The following MAN2B1 variants were observed in gnomAD, a reference collection of about 807,000 sequenced individuals.
The protein encoded by MAN2B1 is mannosidase alpha class 2B member 1.
A neutral mutation model predicts 127.5 loss-of-function variants in MAN2B1; 99 were observed. The observed-to-expected ratio is 0.78, with a 90% confidence interval of 0.66 to 0.92. The LOEUF (loss-of-function observed/expected upper bound fraction) is 0.92, where lower values mean the gene tolerates loss of function less well. Ranked by LOEUF, MAN2B1 falls within the 40% of genes least tolerant of loss-of-function variation. The probability of loss-of-function intolerance (pLI) is 0.00; values close to 1 mark genes in which losing one functional copy is unlikely to be tolerated. For missense variants in MAN2B1, 1,304 were observed against 1,384.8 expected, an observed-to-expected ratio of 0.94 and a Z score of 0.93; for synonymous variants, 573 against 568.8, an observed-to-expected ratio of 1.01 and a Z score of -0.11.
In MAN2B1 at chr19:12,650,164, C is replaced by T. The variant is rs759826825; in HGVS notation, c.2105G>A (p.Arg702His). Residue 702 changes from arginine (R) to histidine (H), a missense_variant, in exon 17 of 24, where the codon CGC becomes CAC. Arg to His is a conservative substitution (Grantham distance 29). Transcript: ENST00000456935. The part of the protein sequence containing the change: ...NFSAWCSQVV[R>H]LYPGQRHLEL... ...CAGGTGCCGCTGTCCTGGGTACAGG[C>T]GAACCACCTGGGAACACCAAGCTGA... The T allele has an allele frequency of 3.1e-6, 5 of 1,614,040 alleles. No individual in the cohort carries two copies. Among genetic ancestry groups the T allele is most frequent in the Admixed American group, 1.7e-5 (1 of 60,012 alleles).
intron 11 of MAN2B1, 46 bp from the exon 12 acceptor site, chr19:12,657,102 T>G (rs1415670377): frequency 8.6e-7 from 1 of 1,160,886 alleles, no homozygotes; most frequent in South Asian, 1.3e-5. Context: ...ACGCCAGGCC[T>G]GACTCCTCCC....
intron 16 of MAN2B1, among the ~76,000 whole-genome samples, chr19:12,650,610 G>A (rs542525502): frequency 4.6e-5 from 7 of 151,572 alleles, no homozygotes; most frequent in South Asian, 2.1e-4. Flanking sequence ...AGCCCGCCTC[G>A]GCCTCCCAAA....
intron 1 of MAN2B1, among the ~76,000 whole-genome samples, chr19:12,666,277 C>A (rs1376645): frequency 6.6e-6 from 1 of 152,152 alleles, no homozygotes; most frequent in Non-Finnish European, 1.5e-5. Context: ...CCCCTGCCAC[C>A]TCCTGCCCCT....
rs746319362 is a variant in MAN2B1, at chr19:12,647,499, C to T, written c.2764G>A (p.Ala922Thr). The change falls in exon 22 of 24, where the codon GCC (alanine) becomes ACC (threonine). Residue 922 changes from alanine to threonine, a missense_variant. By Grantham distance (58) the Ala-to-Thr change is moderately conservative. Transcript: ENST00000456935. This position sits in a 1 kb window ranked among gnomAD's most constrained non-coding sequence, Gnocchi z 4.9. ...MVLLRLEHQF[A>T]VGEDSGRNLS... The stretch of plus-strand genomic sequence containing the variant: ...TTACGTCCGGAATCCTCTCCTACGG[C>T]AAACTGGTGCTCCAAGCGCAGCAGC... 8 of 1,614,124 alleles carry T rather than the reference C, an allele frequency of 5.0e-6. No homozygotes were observed. The highest frequency in any genetic ancestry group is 1.3e-5 in the African/African-American group (1 of 74,946).
intron 16 of MAN2B1, among the ~76,000 whole-genome samples, chr19:12,651,570 A>G (rs936015731): frequency 6.6e-6 from 1 of 152,208 alleles, no homozygotes; most frequent in Admixed American, 6.6e-5. Context: ...GCAAAACTAT[A>G]TACAGATATG....
intron 16 of MAN2B1, among the ~76,000 whole-genome samples, chr19:12,650,427 C>T (rs1352949882): frequency 1.4e-5 from 2 of 147,776 alleles, no homozygotes; most frequent in African/African-American, 5.0e-5. Context: ...GGCGCGATCT[C>T]GGCTCACTGC....
At chr19:12,648,138 C>T in intron 21 of MAN2B1, 37 bp downstream of exon 21, 1 of 1,515,866 alleles carries the variant, frequency 6.6e-7, no homozygotes, top group South Asian at 1.2e-5. Context: ...TGGTAGACTT[C>T]AATCCGGTCC....
In MAN2B1 at chr19:12,664,927, G is replaced by A. The variant is rs771479314; in HGVS notation, c.495C>T (p.Tyr165=). The part of the protein sequence containing the change: ...WVMNDEAATH[Y]GAIVDQMTLG... ...GTGTCATCTGGTCCACGATGGCACC[G>A]TAGTGGGTGGCTGCCTCATCGTTCA... is the stretch of plus-strand genomic sequence containing the variant. The change falls in exon 4 of 24, where the codon TAC becomes TAT. Residue 165 remains tyrosine, a synonymous_variant. Transcript: ENST00000456935. 1 of 1,614,156 alleles carries A rather than the reference G, an allele frequency of 6.2e-7. No individual in the cohort carries two copies. The highest frequency in any genetic ancestry group is 8.5e-7 in the Non-Finnish European group (1 of 1,180,036).
chr19:12,662,359 G>A (rs376061965), intron 6 of MAN2B1, among the ~76,000 whole-genome samples: 4 of 151,896 alleles, frequency 2.6e-5, no homozygotes, highest in Admixed American at 1.3e-4. Context: ...GGCTGGACGC[G>A]GTGGCTCACG....
intron 7 of MAN2B1, chr19:12,660,976 C>T (rs916739782): frequency 2.7e-6 from 1 of 372,582 alleles, no homozygotes; most frequent in Non-Finnish European, 5.2e-6. Flanking sequence ...TCAGGCTGGT[C>T]TCGAATTCCT....
chr19:12,649,767 C>A, intron 18 of MAN2B1, 146 bp downstream of exon 18: 1 of 735,546 alleles, frequency 1.4e-6, no homozygotes, highest in South Asian at 1.6e-5. Flanking sequence ...CAGGCGTGAG[C>A]CACTGCACCC....
In MAN2B1 at chr19:12,648,350, A is replaced by G. The variant is rs1438173166; in HGVS notation, c.2489T>C (p.Met830Thr). Residue 830 changes from methionine to threonine, a missense_variant, in exon 21 of 24, where the codon ATG becomes ACG. Transcript: ENST00000456935. Reference sequence around the variant, plus strand: ...CACCCACGCCCCCGACCCGTTCTCCATTAGTGGCTCCGATACTCCGCGTCC... The same window carrying G: ...CACCCACGCCCCCGACCCGTTCTCCGTTAGTGGCTCCGATACTCCGCGTCC... Reference protein sequence around the residue: ...DDGRGVSEPLMENGSGAWVRG... With the variant: ...DDGRGVSEPLTENGSGAWVRG... The G allele has an allele frequency of 3.7e-6, 6 of 1,613,676 alleles. No homozygotes were observed. Among genetic ancestry groups the G allele is most frequent in the East Asian group, 4.5e-5 (2 of 44,866 alleles).
In MAN2B1 at chr19:12,664,274, T is replaced by G. The variant is rs149299564; in HGVS notation, c.631-439A>C. On this transcript the variant is annotated intron_variant, in intron 4 of 23. Coordinates refer to ENST00000456935, the MANE Select transcript of MAN2B1 (RefSeq NM_000528.4). ...GGCTGAAACAGAGAGGCCTCCAGCTTATTTCCAAGCTTGGGGAAGTTTCAG... is the reference window on the plus strand; with the variant it reads ...GGCTGAAACAGAGAGGCCTCCAGCTGATTTCCAAGCTTGGGGAAGTTTCAG... Among the ~76,000 whole-genome samples the G allele has an allele frequency of 2.9e-3, 445 of 152,186 alleles. 3 individuals carry two copies. Among genetic ancestry groups the G allele is most frequent in the African/African-American group, 0.01 (421 of 41,516 alleles).
rs2024003936 is a variant in MAN2B1, at chr19:12,657,765, C to T, written c.1310-210G>A. The stretch of plus-strand genomic sequence containing the variant: ...CGAGGTCAGATCGAGACCATCCTGG[C>T]TAACATGGTGAAACCCCGTCTCTAC... On this transcript the variant is annotated intron_variant, in intron 10 of 23. Transcript: ENST00000456935. The T allele has an allele frequency of 4.9e-6, 3 of 618,316 alleles. No individual in the cohort carries two copies. In the East Asian group the frequency reaches 8.3e-5, roughly 17 times the overall value. 38.3% of individuals were successfully genotyped at this position (618,316 alleles called of 1,614,324 possible).
intron 18 of MAN2B1, 35 bp downstream of exon 18, chr19:12,649,878 A>C (rs2023799841): frequency 1.2e-5 from 18 of 1,448,996 alleles, no homozygotes; most frequent in African/African-American, 3.0e-5. Flanking sequence ...AACACACCAC[A>C]GACCACCCCC....
At chr19:12,658,845 T>C (rs950188303) in intron 7 of MAN2B1, 7 of 365,796 alleles carry the variant, frequency 1.9e-5, no homozygotes, top group African/African-American at 4.2e-5. Flanking sequence ...ACTGTCAGAT[T>C]GTTACCAAAA....
intron 14 of MAN2B1, among the ~76,000 whole-genome samples, 194 bp downstream of exon 14, chr19:12,655,500 C>T (rs556548560): frequency 6.6e-6 from 1 of 152,308 alleles, no homozygotes; most frequent in African/African-American, 2.4e-5. Flanking sequence ...CATGATCACA[C>T]TGGGTCCTCA....
chr19:12,657,552 T>A lies in MAN2B1; in HGVS notation c.1313A>T (p.Glu438Val), dbSNP rs867708818. 6 of 1,559,348 alleles carry A rather than the reference T, an allele frequency of 3.8e-6. No individual in the cohort carries two copies. In the African/African-American group the frequency reaches 4.1e-5, roughly 11 times the overall value. ...GTGATGCTGGAGCACAGCCATCGCC[T>A]CATCTGCTCATAGACAATGAGTCCG... ...YGSGDSAPLN[E>V]AMAVLQHHDA... The change falls in exon 11 of 24, where the codon GAG (glutamate) becomes GTG (valine). Residue 438 changes from glutamate (E) to valine (V), a missense_variant. Coordinates refer to ENST00000456935, the MANE Select transcript of MAN2B1 (RefSeq NM_000528.4).
rs1336429101 is a variant in MAN2B1 at position 12,657,521 on chromosome 19, G to A, written c.1344C>T (p.Ala448=). The change falls in exon 11 of 24, where the codon GCC becomes GCT. Residue 448 remains alanine, a synonymous_variant. Coordinates refer to ENST00000456935, the MANE Select transcript of MAN2B1 (RefSeq NM_000528.4). ...EAMAVLQHHD[A]VSGTSRQHVA... The stretch of plus-strand genomic sequence containing the variant: ...CGTGCTGGCGGGAGGTGCCGCTGAC[G>A]GCGTCGTGATGCTGGAGCACAGCCA... 3 of 1,565,622 alleles carry A rather than the reference G, an allele frequency of 1.9e-6. No homozygotes were observed. The highest frequency in any genetic ancestry group is 1.7e-4 in the Middle Eastern group (1 of 5,762).
Sources: gnomAD v4.1 joint callset for allele counts (sites outside exome capture counted in the v4.1 genomes callset) on GRCh38, gnomAD v4.1.1 for gene constraint, Gnocchi (gnomAD v3.1) non-coding constraint, MANE v1.5 for transcripts, NCBI Gene and HGNC (gene_info 2026-07-23, HGNC 2026-07-21) for gene names.